Variants in BCAS3 observed in about 807,000 individuals in gnomAD.
BCAS3 encodes BCAS4/BCAS3 fusion.
A neutral mutation model predicts 116.1 loss-of-function variants in BCAS3; 53 were observed. The ratio of observed to expected loss-of-function variants is 0.46; its 90% CI spans 0.37 to 0.57. BCAS3 has a LOEUF of 0.57. Among genes scored for constraint, BCAS3 ranks in the 20% least tolerant of loss-of-function variants. BCAS3 has a pLI of 0.00. For missense variants in BCAS3, 917 were observed against 1,165.4 expected (o/e 0.79, Z 3.10); for synonymous variants, 391 against 408.2 (o/e 0.96, Z 0.51).
At chr17:60,881,486 T>C (rs1187491599) in intron 9 of BCAS3, among the ~76,000 whole-genome samples, 2 of 151,742 alleles carry the variant, frequency 1.3e-5, no homozygotes, top group Admixed American at 1.3e-4. Flanking sequence ...CATGTGCACA[T>C]TGTGCAGGTT....
At chr17:60,895,828 A>C (rs946047894) in intron 10 of BCAS3, among the ~76,000 whole-genome samples, 5 of 152,222 alleles carry the variant, frequency 3.3e-5, no homozygotes, top group Non-Finnish European at 7.3e-5. Flanking sequence ...TAAAGTTTCC[A>C]GAGTCCCTTT....
chr17:60,994,866 A>C lies in BCAS3; in HGVS notation c.1486+4631A>C, dbSNP rs775530189. The stretch of plus-strand genomic sequence containing the variant: ...GCTCTGCATACTTTTATCATATTAT[A>C]ATATGCAGGTTATTCATTGACATGT... On this transcript the variant is annotated intron_variant, in intron 15 of 23. Transcript: ENST00000407086. The surrounding 1 kb of genome is among the most constrained non-coding windows in gnomAD (Gnocchi z 4.4). Among the ~76,000 whole-genome samples, 11 of 152,334 alleles carry C rather than the reference A, an allele frequency of 7.2e-5. No homozygotes were observed. The highest frequency in any genetic ancestry group is 2.6e-4 in the Admixed American group (4 of 15,308).
intron 22 of BCAS3, among the ~76,000 whole-genome samples, chr17:61,234,713 A>G (rs946286434): frequency 6.7e-6 from 1 of 150,090 alleles, no homozygotes; most frequent in Non-Finnish European, 1.5e-5. Flanking sequence ...GTCCTGCGCC[A>G]GGGCCTTTTC....
intron 5 of BCAS3, chr17:60,720,360 C>T (rs1017443802): frequency 6.6e-6 from 1 of 152,174 alleles, no homozygotes; most frequent in Non-Finnish European, 1.5e-5. Flanking sequence ...TGATCTTGAA[C>T]TCTTGAGCTC....
intron 22 of BCAS3, among the ~76,000 whole-genome samples, chr17:61,160,373 C>T (rs771679306): frequency 5.9e-5 from 9 of 151,832 alleles, no homozygotes; most frequent in Admixed American, 5.3e-4. Flanking sequence ...TTGCCATTGC[C>T]GTGCTGGATG....
intron 13 of BCAS3, among the ~76,000 whole-genome samples, chr17:60,944,904 A>T (rs1177543769): frequency 6.6e-6 from 1 of 152,192 alleles, no homozygotes; most frequent in Non-Finnish European, 1.5e-5. Context: ...TAAAGATTGA[A>T]TGCTTTCCTC....
intron 22 of BCAS3, among the ~76,000 whole-genome samples, chr17:61,287,368 G>A (rs763949155): frequency 2.0e-5 from 3 of 152,054 alleles, no homozygotes; most frequent in Non-Finnish European, 4.4e-5. Context: ...GGGGAAAATT[G>A]TCTGCCATAC....
intron 3 of BCAS3, among the ~76,000 whole-genome samples, chr17:60,685,398 T>C (rs1976287): frequency 0.99 from 148,937 of 150,064 alleles, 73,918 homozygotes; most frequent in East Asian, 1. Flanking sequence ...TGCAGTGAGC[T>C]GAGATCGCAT....
At chr17:60,811,478 G>T in intron 7 of BCAS3, 1 of 521,154 alleles carries the variant, frequency 1.9e-6, no homozygotes, top group South Asian at 1.6e-5. Context: ...CAGAAGCAGT[G>T]TACCCTTTGG....
At chr17:60,836,036 G>A (rs545942851) in intron 7 of BCAS3, among the ~76,000 whole-genome samples, 8 of 152,162 alleles carry the variant, frequency 5.3e-5, no homozygotes, top group Admixed American at 2.0e-4. Context: ...ATTTTTAGAG[G>A]AGTTTTAGGG....
chr17:61,260,611 G>A (rs894216044), intron 22 of BCAS3, among the ~76,000 whole-genome samples: 2 of 152,116 alleles, frequency 1.3e-5, no homozygotes, highest in African/African-American at 4.8e-5. Flanking sequence ...GAAACTCACG[G>A]GTAAAATTAG....
intron 15 of BCAS3, among the ~76,000 whole-genome samples, chr17:61,006,266 C>A (rs968097610): frequency 2.0e-5 from 3 of 152,016 alleles, no homozygotes; most frequent in African/African-American, 7.2e-5. Flanking sequence ...ATACAAAGTA[C>A]ATAAAGATAA....
intron 11 of BCAS3, among the ~76,000 whole-genome samples, chr17:60,907,542 A>G (rs1442296493): frequency 6.6e-6 from 1 of 152,212 alleles, no homozygotes. Flanking sequence ...GAACAGAATA[A>G]GTACCATGCT....
At chr17:61,371,525 C>G (rs1217142502) in intron 23 of BCAS3, among the ~76,000 whole-genome samples, 1 of 152,144 alleles carries the variant, frequency 6.6e-6, no homozygotes, top group Admixed American at 6.5e-5. Flanking sequence ...CATGGTGACT[C>G]TAGTTAATAA....
At chr17:61,319,848 GTCTTTTT>G (rs2055047337) in intron 22 of BCAS3, among the ~76,000 whole-genome samples, 2 of 150,528 alleles carry the variant, frequency 1.3e-5, no homozygotes, top group African/African-American at 4.9e-5. Flanking sequence ...TCATAGAATA[GTCTTTTT>G]TCTTTTTCTT....
At chr17:61,176,164 A>AAAAAAAAAAAAAAGG (rs1568511306) in intron 22 of BCAS3, among the ~76,000 whole-genome samples, 12 of 149,718 alleles carry the variant, frequency 8.0e-5, no homozygotes, top group African/African-American at 2.7e-4. Context: ...AAAAAAAAGA[A>AAAAAAAAAAAAAAGG]AAAGAAAAAG....
At chr17:61,257,771 C>T (rs998630537) in intron 22 of BCAS3, among the ~76,000 whole-genome samples, 1 of 152,150 alleles carries the variant, frequency 6.6e-6, no homozygotes, top group African/African-American at 2.4e-5. Context: ...TAGCTTGTTT[C>T]TTCATCTAGA....
rs1871140362 is a variant in BCAS3, at chr17:61,118,022, T to C, written c.2425+33458T>C. ...CTGTCATCTTGGTGTTGATATCTAT[T>C]GATTGTCTTTTTTTCATTTGTTATG... On this transcript the variant is annotated intron_variant, in intron 22 of 23. Transcript: ENST00000407086. The surrounding 1 kb of genome is among the most constrained non-coding windows in gnomAD (Gnocchi z 5.0). 6.6e-6 allele frequency among the ~76,000 whole-genome samples: 1 copy of C among 152,218 alleles called. No homozygotes were observed. The highest frequency in any genetic ancestry group is 1.5e-5 in the Non-Finnish European group (1 of 68,048).
chr17:60,978,270 T>A (rs1034838496), intron 14 of BCAS3, among the ~76,000 whole-genome samples: 1 of 139,154 alleles, frequency 7.2e-6, no homozygotes, highest in South Asian at 2.2e-4. Context: ...GAGCATTTTT[T>A]CATGTGTTTT....
Sources: gnomAD v4.1 joint callset for allele counts (sites outside exome capture counted in the v4.1 genomes callset) on GRCh38, gnomAD v4.1.1 for gene constraint, Gnocchi (gnomAD v3.1) non-coding constraint, MANE v1.5 for transcripts, NCBI Gene and HGNC (gene_info 2026-07-23, HGNC 2026-07-21) for gene names.